Variants in DROSHA observed in about 807,000 individuals in gnomAD.
The protein encoded by DROSHA is ribonuclease 3.
In DROSHA, 56 loss-of-function variants were observed where a neutral mutation model predicts 181.9. The observed-to-expected ratio is 0.31, with a 90% CI of 0.25 to 0.38. DROSHA has a LOEUF of 0.38. Ranked by LOEUF, DROSHA falls within the 10% of genes least tolerant of loss-of-function variation. DROSHA has a pLI of 1.00. For synonymous variants in DROSHA, 524 were observed against 591.2 expected (o/e 0.89, Z 1.65); for missense variants, 1,218 against 1,743.5 (o/e 0.70, Z 5.37).
At chr5:31,446,506 C>T (rs1322278089) in intron 23 of DROSHA, among the ~76,000 whole-genome samples, 3 of 139,918 alleles carry the variant, frequency 2.1e-5, no homozygotes, top group African/African-American at 8.0e-5. Flanking sequence ...TAACATACTT[C>T]AGAATAAATT....
chr5:31,439,761 T>A (rs573387338), intron 23 of DROSHA, among the ~76,000 whole-genome samples: 1 of 152,138 alleles, frequency 6.6e-6, no homozygotes, highest in African/African-American at 2.4e-5. Context: ...AGAACCTTAA[T>A]GTCTATTTCA....
intron 12 of DROSHA, among the ~76,000 whole-genome samples, chr5:31,494,199 T>G (rs910010009): frequency 2.0e-5 from 3 of 152,012 alleles, no homozygotes; most frequent in Admixed American, 6.6e-5. Flanking sequence ...AACTCCTGAC[T>G]TCAGGTGATC....
intron 35 of DROSHA, among the ~76,000 whole-genome samples, chr5:31,404,130 AG>A (rs1740372775): frequency 6.6e-6 from 1 of 151,538 alleles, no homozygotes; most frequent in Admixed American, 6.6e-5. Context: ...TGGCCTACCA[AG>A]GGTATGAACT....
intron 21 of DROSHA, 101 bp downstream of exon 21, chr5:31,451,432 G>A (rs879076545): frequency 6.1e-6 from 6 of 982,108 alleles, no homozygotes; most frequent in African/African-American, 3.3e-5. Flanking sequence ...AACAATCCTT[G>A]TCACATCCCA....
Position 31,486,442 on chromosome 5 carries a change from C to T in DROSHA, c.1914+49G>A, listed in dbSNP as rs763753779. On this transcript the variant is annotated intron_variant, in intron 14 of 35. Transcript: ENST00000344624. ...AATGCTTTAAAATAGTAGTATGGAA[C>T]AAGCAAAAGAGCAAACTACATCAAA... 3.6e-5 allele frequency: 57 copies of T among 1,589,660 alleles called. No homozygotes were observed. In the Admixed American group the frequency reaches 7.8e-4, roughly 22 times the overall value.
intron 11 of DROSHA, among the ~76,000 whole-genome samples, chr5:31,497,133 G>A (rs887693145): frequency 2.6e-5 from 4 of 152,210 alleles, no homozygotes; most frequent in African/African-American, 9.6e-5. Flanking sequence ...CCATGTGACT[G>A]GGGTACGTGG....
intron 17 of DROSHA, among the ~76,000 whole-genome samples, chr5:31,471,324 T>C (rs1215696325): frequency 6.6e-6 from 1 of 152,184 alleles, no homozygotes; most frequent in Non-Finnish European, 1.5e-5. Context: ...TCTTCATTTC[T>C]ATAAAATTTT....
chr5:31,508,810 T>C (rs780750628), intron 9 of DROSHA, 35 bp from the exon 10 acceptor site: 4 of 1,567,250 alleles, frequency 2.6e-6, no homozygotes, highest in Admixed American at 1.9e-5. Context: ...CAGAAATTGA[T>C]GGAATTAACA....
intron 24 of DROSHA, among the ~76,000 whole-genome samples, chr5:31,436,802 A>G (rs1003206724): frequency 6.6e-6 from 1 of 150,920 alleles, no homozygotes; most frequent in African/African-American, 2.4e-5. Flanking sequence ...ACACACTAGA[A>G]AATCTGGTCA....
At chr5:31,476,104 C>A (rs569902279) in intron 16 of DROSHA, among the ~76,000 whole-genome samples, 5 of 152,298 alleles carry the variant, frequency 3.3e-5, no homozygotes, top group African/African-American at 9.6e-5. Flanking sequence ...GTAGCTCACG[C>A]CTGTAATCCC....
Position 31,401,532 on chromosome 5 carries a change from C to T in DROSHA, c.4025G>A (p.Arg1342Gln). The T allele has an allele frequency of 2.5e-6, 4 of 1,600,318 alleles. No individual in the cohort carries two copies. Among genetic ancestry groups the T allele is most frequent in the Non-Finnish European group, 2.6e-6 (3 of 1,172,964 alleles). Reference protein sequence around the residue: ...YNFPQMAHQKRFIERKYRQEL... With the variant: ...YNFPQMAHQKQFIERKYRQEL... Reference sequence around the variant, plus strand: ...TTGTCTGTACTTCCGTTCGATGAACCGCTTCTGATGGGCCATCTGGGGAAA... The same window carrying T: ...TTGTCTGTACTTCCGTTCGATGAACTGCTTCTGATGGGCCATCTGGGGAAA... Residue 1342 changes from arginine (R) to glutamine (Q), a missense_variant, in exon 36 of 36, where the codon CGG (arginine) becomes CAG (glutamine). By Grantham distance (43) the Arg-to-Gln change is conservative. This residue lies in a region of DROSHA where 48 missense variants were observed against 124.9 expected (regional missense o/e 0.38). Transcript: ENST00000344624.
At chr5:31,463,101 G>T (rs1748586221) in intron 20 of DROSHA, among the ~76,000 whole-genome samples, 1 of 152,124 alleles carries the variant, frequency 6.6e-6, no homozygotes, top group South Asian at 2.1e-4. Flanking sequence ...GCTTCAAATG[G>T]CCCTGAGAGA....
intron 20 of DROSHA, among the ~76,000 whole-genome samples, chr5:31,459,491 AC>A (rs997912739): frequency 2.0e-5 from 3 of 151,988 alleles, no homozygotes; most frequent in African/African-American, 7.3e-5. Flanking sequence ...CACAAGCAGC[AC>A]TACGCTCCAA....
chr5:31,526,683 GT>G lies in DROSHA; in HGVS notation c.249del (p.Met85CysfsTer23), dbSNP rs1740618937. 2.6e-6 allele frequency: 4 copies of G among 1,520,756 alleles called. No individual in the cohort carries two copies. Among genetic ancestry groups the G allele is most frequent in the Non-Finnish European group, 3.5e-6 (4 of 1,136,440 alleles). 94.2% of individuals were successfully genotyped at this position (1,520,756 alleles called of 1,614,324 possible). ...GGGCCTTGCGCTGACGGAGGCATGG[GT>G]GGGGGGAAGGGTACAAAGTCTGGTC... is the stretch of plus-strand genomic sequence containing the variant. Reference protein sequence around the residue: ...PPRPDFVPFPPPMPPSAQGPL... With the variant: ...PPRPDFVPFPXPMPPSAQGPL... On this transcript the variant is annotated frameshift_variant, in exon 5 of 36. Coordinates refer to ENST00000344624, the MANE Select transcript of DROSHA (RefSeq NM_001382508.1). LOFTEE classifies it high-confidence loss of function.
At chr5:31,410,654 A>G in intron 31 of DROSHA, 92 bp downstream of exon 31, 1 of 1,477,058 alleles carries the variant, frequency 6.8e-7, no homozygotes, top group Non-Finnish European at 9.0e-7. Flanking sequence ...TTCTTTAGCC[A>G]GAACATAATA....
intron 5 of DROSHA, among the ~76,000 whole-genome samples, chr5:31,525,503 CAAAAAA>C (rs397970711): frequency 2.8e-5 from 1 of 36,156 alleles, no homozygotes; most frequent in African/African-American, 9.0e-5. Flanking sequence ...GATTCTGTCA[CAAAAAA>C]AAAAAAAAAA....
chr5:31,413,556 C>G (rs1316296708), intron 30 of DROSHA, among the ~76,000 whole-genome samples: 1 of 152,180 alleles, frequency 6.6e-6, no homozygotes, highest in Non-Finnish European at 1.5e-5. Flanking sequence ...TTCAGTGCAC[C>G]AGTGGGTGCA....
At chr5:31,493,985 T>C (rs925236653) in intron 12 of DROSHA, among the ~76,000 whole-genome samples, 1 of 83,614 alleles carries the variant, frequency 1.2e-5, no homozygotes, top group Non-Finnish European at 2.3e-5. Flanking sequence ...GTGTGTGTGT[T>C]TGAGATGAAG....
chr5:31,405,404 C>T (rs1002258084), intron 35 of DROSHA, among the ~76,000 whole-genome samples: 1 of 151,542 alleles, frequency 6.6e-6, no homozygotes, highest in Non-Finnish European at 1.5e-5. Context: ...GAAAACACAG[C>T]AGGCAGTTCA....
Sources: gnomAD v4.1 joint callset for allele counts (sites outside exome capture counted in the v4.1 genomes callset) on GRCh38, gnomAD v4.1.1 for gene constraint, gnomAD v4.1.1 regional missense constraint, MANE v1.5 for transcripts, NCBI Gene and HGNC (gene_info 2026-07-23, HGNC 2026-07-21) for gene names.